CSMD1: variants seen among roughly 807,000 people sequenced by gnomAD.
CSMD1 encodes CUB and Sushi multiple domains 1.
A neutral mutation model predicts 417.5 loss-of-function variants in CSMD1; 213 were observed. The ratio of observed to expected loss-of-function variants is 0.51; its 90% CI spans 0.46 to 0.57. The LOEUF (loss-of-function observed/expected upper bound fraction) is 0.57, where lower values mean the gene tolerates loss of function less well. Among genes scored for constraint, CSMD1 ranks in the 20% least tolerant of loss-of-function variants. The pLI is 0.00. For missense variants in CSMD1, 6,923 were observed against 4,529.7 expected (o/e 1.53, Z -15.17); for synonymous variants, 2,862 against 1,736.8 (o/e 1.65, Z -16.11).
intron 7 of CSMD1, among the ~76,000 whole-genome samples, chr8:3,645,661 G>T (rs144085473): frequency 0.011 from 1,612 of 152,288 alleles, 24 homozygotes; most frequent in South Asian, 0.045. Context: ...GGGAGCCACT[G>T]CTACAGCAGA....
chr8:3,924,156 G>C (rs1205633347), intron 5 of CSMD1, among the ~76,000 whole-genome samples: 2 of 152,292 alleles, frequency 1.3e-5, no homozygotes, highest in African/African-American at 2.4e-5. Context: ...CAGTTTCTCT[G>C]AGTATAGCAT....
intron 8 of CSMD1, among the ~76,000 whole-genome samples, chr8:3,607,843 G>T (rs1381908912): frequency 1.3e-5 from 2 of 152,162 alleles, no homozygotes; most frequent in Non-Finnish European, 2.9e-5. Flanking sequence ...GTGGCAGAAA[G>T]GAGATGATAC....
At chr8:4,674,597 G>C (rs969828441) in intron 1 of CSMD1, among the ~76,000 whole-genome samples, 9 of 152,030 alleles carry the variant, frequency 5.9e-5, no homozygotes, top group African/African-American at 1.7e-4. Flanking sequence ...TTGAAGCTTT[G>C]GTGCAAATCA....
chr8:3,076,324 T>TTTGAGGACACCAGCCAC (rs145526818), intron 49 of CSMD1, among the ~76,000 whole-genome samples: 26 of 73,792 alleles, frequency 3.5e-4, no homozygotes, highest in African/African-American at 1.8e-3. Flanking sequence ...TTCCTCTTTG[T>TTTGAGGACACCAGCCAC]ATGAGGACAC....
chr8:3,637,046 C>A (rs1296907291), intron 7 of CSMD1, among the ~76,000 whole-genome samples: 3 of 152,132 alleles, frequency 2.0e-5, no homozygotes, highest in Non-Finnish European at 2.9e-5. Context: ...AGAAAGAAAA[C>A]CCTCGCCAGA....
intron 18 of CSMD1, among the ~76,000 whole-genome samples, chr8:3,379,595 A>G (rs929188508): frequency 3.3e-5 from 5 of 152,210 alleles, no homozygotes; most frequent in East Asian, 1.9e-4. Flanking sequence ...ATAACACCAC[A>G]TATCTACAAC....
intron 1 of CSMD1, among the ~76,000 whole-genome samples, chr8:4,806,340 T>C (rs1015243220): frequency 6.6e-6 from 1 of 152,144 alleles, no homozygotes; most frequent in Non-Finnish European, 1.5e-5. Context: ...GCTGGCTCTG[T>C]CAGTTTTCAG....
chr8:3,796,514 T>TTAG (rs1800157197), intron 5 of CSMD1, among the ~76,000 whole-genome samples: 3 of 144,110 alleles, frequency 2.1e-5, no homozygotes, highest in Non-Finnish European at 4.5e-5. Flanking sequence ...TATATATATC[T>TTAG]ATATATCTAT....
intron 2 of CSMD1, among the ~76,000 whole-genome samples, chr8:4,452,871 C>T (rs146866217): frequency 1.3e-5 from 2 of 152,000 alleles, no homozygotes; most frequent in Admixed American, 6.6e-5. Context: ...ATAGGAAGGC[C>T]GACTGTGAAA....
chr8:4,509,494 G>C (rs946016023), intron 2 of CSMD1, among the ~76,000 whole-genome samples: 3 of 152,134 alleles, frequency 2.0e-5, no homozygotes, highest in African/African-American at 4.8e-5. Flanking sequence ...ATTCTTACTA[G>C]ACGCTGTCTA....
intron 2 of CSMD1, among the ~76,000 whole-genome samples, chr8:4,495,129 T>C (rs1343956726): frequency 6.6e-6 from 1 of 152,126 alleles, no homozygotes; most frequent in Non-Finnish European, 1.5e-5. Context: ...ACAGGCAGCA[T>C]TATTATAAAC....
chr8:4,500,364 T>C (rs1439367301), intron 2 of CSMD1, among the ~76,000 whole-genome samples: 8 of 152,136 alleles, frequency 5.3e-5, no homozygotes, highest in Non-Finnish European at 1.0e-4. Context: ...AATAATAAAT[T>C]GAGACAAATG....
At chr8:3,539,649 C>A (rs2117557074) in intron 10 of CSMD1, among the ~76,000 whole-genome samples, 1 of 152,230 alleles carries the variant, frequency 6.6e-6, no homozygotes, top group Middle Eastern at 3.4e-3. Context: ...CCATCCCTCA[C>A]TGTTGGGTGA....
intron 5 of CSMD1, among the ~76,000 whole-genome samples, chr8:3,908,865 AGG>A: frequency 6.6e-6 from 1 of 152,302 alleles, no homozygotes; most frequent in South Asian, 2.1e-4. Context: ...TGTTACTGTG[AGG>A]TAATATAATA....
intron 17 of CSMD1, among the ~76,000 whole-genome samples, chr8:3,395,597 A>G (rs1435487855): frequency 6.6e-6 from 1 of 152,238 alleles, no homozygotes; most frequent in East Asian, 1.9e-4. Flanking sequence ...TTCCATTATA[A>G]TATTTTGACA....
chr8:4,533,441 G>C (rs146157121), intron 2 of CSMD1, among the ~76,000 whole-genome samples: 1 of 152,158 alleles, frequency 6.6e-6, no homozygotes, highest in Non-Finnish European at 1.5e-5. Context: ...GTTAATCTAC[G>C]TGAGCCCTGA....
chr8:4,486,210 T>TATATATATATATACATAC (rs1801396837), intron 2 of CSMD1, among the ~76,000 whole-genome samples: 1 of 22,560 alleles, frequency 4.4e-5, no homozygotes, highest in Non-Finnish European at 8.6e-5. Flanking sequence ...CATACATATA[T>TATATATATATATACATAC]ATATATATAT....
At chr8:4,818,180 A>G (rs1163803661) in intron 1 of CSMD1, among the ~76,000 whole-genome samples, 9 of 152,216 alleles carry the variant, frequency 5.9e-5, no homozygotes, top group East Asian at 3.8e-4. Flanking sequence ...TATTCTCAAT[A>G]TATCATATCA....
intron 36 of CSMD1, chr8:3,182,841 G>GTGTGTGTGT (rs1554454771): frequency 8.7e-5 from 1 of 11,470 alleles, no homozygotes. Context: ...TTTATAAGAA[G>GTGTGTGTGT]GTGTGTGTGT....
Sources: gnomAD v4.1 joint callset for allele counts (sites outside exome capture counted in the v4.1 genomes callset) on GRCh38, gnomAD v4.1.1 for gene constraint, MANE v1.5 for transcripts, NCBI Gene and HGNC (gene_info 2026-07-23, HGNC 2026-07-21) for gene names.